PAQR3: variants seen among roughly 807,000 people sequenced by gnomAD.
The protein encoded by PAQR3 is Raf kinase trapping to Golgi.
Under a neutral mutation model 41.7 loss-of-function variants are expected in PAQR3, and 39 were observed. The observed-to-expected ratio is 0.93, with a 90% confidence interval of 0.72 to 1.22. PAQR3 has a LOEUF of 1.22. PAQR3 is among the 50% of genes most tolerant of loss of function. PAQR3 has a pLI of 0.00. For synonymous variants in PAQR3, 140 were observed against 140.6 expected, an observed-to-expected ratio of 1.00 and a Z score of 0.03; for missense variants, 366 against 385.6, an observed-to-expected ratio of 0.95 and a Z score of 0.42.
At chr4:78,938,942 TG>T in intron 1 of PAQR3, 97 bp downstream of exon 1, 1 of 1,204,368 alleles carries the variant, frequency 8.3e-7, no homozygotes, top group Non-Finnish European at 1.2e-6. Context: ...GAGGAAATGA[TG>T]GGCAAGCAGA....
chr4:78,936,204 T>C (rs945263144), intron 1 of PAQR3, among the ~76,000 whole-genome samples: 8 of 152,246 alleles, frequency 5.3e-5, no homozygotes, highest in Non-Finnish European at 1.0e-4. Context: ...CAGATGTAGA[T>C]AGGACTCATC....
intron 11 of PAQR3, among the ~76,000 whole-genome samples, chr4:78,897,084 T>TTA (rs35092801): frequency 0.061 from 9,273 of 151,612 alleles, 388 homozygotes; most frequent in East Asian, 0.22. Flanking sequence ...TAGTATGATT[T>TTA]TATATATATA....
intron 2 of PAQR3, 112 bp downstream of exon 2, chr4:78,935,009 G>A: frequency 1.2e-6 from 1 of 865,068 alleles, no homozygotes; most frequent in Non-Finnish European, 1.8e-6. Context: ...TGACCAACAT[G>A]CCATTCCGGG....
At chr4:78,911,269 A>C, downstream of PAQR3, 1 of 1,614,004 alleles carries the variant, frequency 6.2e-7, no homozygotes, top group Non-Finnish European at 8.5e-7. Context: ...CAAGAAGGTG[A>C]ATGTACAAGA....
chr4:78,931,966 T>C (rs1043102563), intron 2 of PAQR3, among the ~76,000 whole-genome samples: 5 of 152,024 alleles, frequency 3.3e-5, no homozygotes, highest in African/African-American at 1.2e-4. Flanking sequence ...AAACAGGAGG[T>C]TACAGAAATA....
chr4:78,911,000 C>G (rs756342252), downstream of PAQR3: 13 of 1,613,684 alleles, frequency 8.1e-6, no homozygotes, highest in Non-Finnish European at 1.1e-5. Flanking sequence ...GACATGAGCT[C>G]TGTCTACAGA....
downstream of PAQR3, among the ~76,000 whole-genome samples, chr4:78,908,993 TCTC>T (rs200688508): frequency 0.056 from 8,415 of 150,100 alleles, 756 homozygotes; most frequent in African/African-American, 0.19. Flanking sequence ...GCCACCAAAA[TCTC>T]TAACTTGCAT....
Position 78,930,292 on chromosome 4 carries a change from A to G in PAQR3, c.382T>C (p.Phe128Leu). Reference protein sequence around the residue: ...CMLCSVGYHLFSCHRSEKTCR... With the variant: ...CMLCSVGYHLLSCHRSEKTCR... ...GTTTTTTCTGACCGATGGCAGGAAA[A>G]AAGATGATAGCCCACAGAGCAAAGC... Residue 128 changes from phenylalanine to leucine, a missense_variant, in exon 3 of 6, where the codon TTT (phenylalanine) becomes CTT (leucine). Phe to Leu is a conservative substitution (Grantham distance 22, BLOSUM62 0). Coordinates refer to ENST00000512733, the MANE Select transcript of PAQR3 (RefSeq NM_001040202.2). 6.2e-7 allele frequency: 1 copy of G among 1,613,812 alleles called. No individual in the cohort carries two copies. Among genetic ancestry groups the G allele is most frequent in the Non-Finnish European group, 8.5e-7 (1 of 1,179,898 alleles).
chr4:78,939,105 G>A lies in PAQR3; in HGVS notation c.120C>T (p.Leu40=), dbSNP rs1013999765. Residue 40 remains leucine (L), a synonymous_variant, in exon 1 of 6, where the codon CTC becomes CTT. Transcript: ENST00000512733. ...LYTYEQIPGS[L]KDNPYITDGY... ...CGTCGGTGATGTACGGGTTGTCCTTGAGGGACCCGGGGATCTGCTCGTAGG... is the reference window on the plus strand; with the variant it reads ...CGTCGGTGATGTACGGGTTGTCCTTAAGGGACCCGGGGATCTGCTCGTAGG... 6.2e-7 allele frequency: 1 copy of A among 1,613,626 alleles called. No homozygotes were observed. The highest frequency in any genetic ancestry group is 1.3e-5 in the African/African-American group (1 of 74,884).
chr4:78,918,716 A>C lies in PAQR3; in HGVS notation c.*1823T>G. On this transcript the variant is annotated 3_prime_UTR_variant, in exon 6 of 6. Transcript: ENST00000512733. ...GATTCAATGTTTTTTTATTTTGAGA[A>C]AGTTTTATAATAAAAATGGCTCCAC... 1 of 970,498 alleles carries C rather than the reference A, an allele frequency of 1.0e-6. No homozygotes were observed. The highest frequency in any genetic ancestry group is 1.2e-6 in the Non-Finnish European group (1 of 816,510). The allele number at this position is 970,498 out of a possible 1,614,324, so 60.1% of individuals were successfully genotyped here.
chr4:78,924,164 T>C lies in PAQR3; in HGVS notation c.703-217A>G, dbSNP rs537021274. Among the ~76,000 whole-genome samples, 8 of 152,202 alleles carry C rather than the reference T, an allele frequency of 5.3e-5. No homozygotes were observed. The South Asian group carries it at 1.4e-3, about 28-fold the overall frequency. ...TCAGGCTCCTAAAGGGGCTAGAGCT[T>C]TAACATGCTGAAGTTCCTAAGGGCA... is the stretch of plus-strand genomic sequence containing the variant. On this transcript the variant is annotated intron_variant, in intron 4 of 5. Coordinates refer to ENST00000512733, the MANE Select transcript of PAQR3 (RefSeq NM_001040202.2).
intron 2 of PAQR3, among the ~76,000 whole-genome samples, chr4:78,933,751 T>C (rs1737151801): frequency 6.6e-6 from 1 of 152,214 alleles, no homozygotes; most frequent in Non-Finnish European, 1.5e-5. Flanking sequence ...GTTGTAATTA[T>C]TTAATCCTTT....
chr4:78,927,343 G>A (rs1736345599), intron 3 of PAQR3, among the ~76,000 whole-genome samples: 1 of 152,184 alleles, frequency 6.6e-6, no homozygotes, highest in Non-Finnish European at 1.5e-5. Context: ...AATTCTTTAA[G>A]AATAGGATGA....
rs1468934983 is a variant in PAQR3 at position 78,918,376 on chromosome 4, G to A, written c.*2163C>T. The A allele has an allele frequency of 3.1e-6, 3 of 978,016 alleles. No homozygotes were observed. Among genetic ancestry groups the A allele is most frequent in the Non-Finnish European group, 3.6e-6 (3 of 822,970 alleles). The allele number at this position is 978,016 out of a possible 1,614,324, so 60.6% of individuals were successfully genotyped here. ...ACCAGTAGTGCTGTGCACACAGTAG[G>A]TGGTCATTAAATGCTGACTGACATA... is the stretch of plus-strand genomic sequence containing the variant. On this transcript the variant is annotated 3_prime_UTR_variant, in exon 6 of 6. Transcript: ENST00000512733.
At chr4:78,887,155 T>G (rs1180286490) in exon 13 of PAQR3, 2 of 1,465,842 alleles carry the variant, frequency 1.4e-6, no homozygotes, top group Non-Finnish European at 1.9e-6. Context: ...TTTTATTTCG[T>G]TTCATCTTAT....
At chr4:78,896,048 C>T (rs949771441) in intron 11 of PAQR3, among the ~76,000 whole-genome samples, 1 of 152,206 alleles carries the variant, frequency 6.6e-6, no homozygotes, top group Non-Finnish European at 1.5e-5. Context: ...CGTGAGCCAT[C>T]CTGCCAAGTC....
At chr4:78,904,413 C>T (rs1005831087) in intron 11 of PAQR3, among the ~76,000 whole-genome samples, 3 of 151,910 alleles carry the variant, frequency 2.0e-5, no homozygotes, top group Non-Finnish European at 4.4e-5. Context: ...TTTGTGTCCT[C>T]TTGACACTTA....
At chr4:78,911,719 G>C, downstream of PAQR3, 2 of 1,613,986 alleles carry the variant, frequency 1.2e-6, no homozygotes, top group Non-Finnish European at 1.7e-6. Flanking sequence ...TAGGGGGAAT[G>C]TCTTACAACC....
In PAQR3 at chr4:78,919,605, A is replaced by C. The variant is rs922128010; in HGVS notation, c.*934T>G. 1.0e-6 allele frequency: 1 copy of C among 985,012 alleles called. No homozygotes were observed. The highest frequency in any genetic ancestry group is 1.2e-6 in the Non-Finnish European group (1 of 829,782). 61.0% of individuals were successfully genotyped at this position (985,012 alleles called of 1,614,324 possible). On this transcript the variant is annotated 3_prime_UTR_variant, in exon 6 of 6. Transcript: ENST00000512733. The stretch of plus-strand genomic sequence containing the variant: ...AAGGCTTAAGGTTCATTTCAGGGTC[A>C]AGACAGGGCCATCTAGATTCTATGG...
Sources: allele counts gnomAD v4.1 joint callset (sites outside exome capture counted in the v4.1 genomes callset), GRCh38; gene constraint gnomAD v4.1.1; transcripts MANE v1.5; gene names NCBI Gene and HGNC (gene_info 2026-07-23, HGNC 2026-07-21).